PREX1: variants seen among roughly 807,000 people sequenced by gnomAD.
The protein encoded by PREX1 is phosphatidylinositol-3,4,5-trisphosphate dependent Rac exchange factor 1, also known as phosphatidylinositol 3,4,5-trisphosphate-dependent Rac exchanger 1 protein.
A neutral mutation model predicts 198.3 loss-of-function variants in PREX1; 41 were observed. That is an observed-to-expected ratio of 0.21 (90% CI 0.16 to 0.27). The LOEUF is 0.27. PREX1 is among the 10% of genes least tolerant of loss of function. The pLI is 1.00. For missense variants in PREX1, 1,620 were observed against 2,200.7 expected (o/e 0.74, Z 5.28); for synonymous variants, 843 against 887.2 (o/e 0.95, Z 0.89).
chr20:48,661,806 G>A (rs1203869119), intron 15 of PREX1, among the ~76,000 whole-genome samples: 1 of 151,974 alleles, frequency 6.6e-6, no homozygotes, highest in Non-Finnish European at 1.5e-5. Flanking sequence ...CCAGCAGGCA[G>A]CAGAAGGGCC....
At chr20:48,727,844 T>C (rs2090016716) in intron 4 of PREX1, among the ~76,000 whole-genome samples, 1 of 152,176 alleles carries the variant, frequency 6.6e-6, no homozygotes, top group African/African-American at 2.4e-5. Flanking sequence ...TCCACGTGGC[T>C]CTCAATCACA....
chr20:48,886,725 C>G, the PREX1 span, among the ~76,000 whole-genome samples: 4 of 152,208 alleles, frequency 2.6e-5, no homozygotes, highest in Non-Finnish European at 4.4e-5. Context: ...CTTTTACAAA[C>G]ATAAATTCAT....
intron 14 of PREX1, among the ~76,000 whole-genome samples, chr20:48,669,178 C>T (rs1387699854): frequency 1.3e-5 from 2 of 151,932 alleles, no homozygotes; most frequent in East Asian, 1.9e-4. Context: ...CCCAGGTGCC[C>T]TCTGCACACC....
chr20:48,656,916 G>T, intron 18 of PREX1, 124 bp downstream of exon 18: 1 of 1,268,478 alleles, frequency 7.9e-7, no homozygotes, highest in Non-Finnish European at 1.1e-6. Context: ...TCCAGCTTGT[G>T]TTGTGTGACT....
chr20:48,760,067 G>A (rs1355787187), intron 1 of PREX1, among the ~76,000 whole-genome samples: 6 of 151,672 alleles, frequency 4.0e-5, no homozygotes, highest in African/African-American at 9.7e-5. Flanking sequence ...AGCCAAGATC[G>A]CACCACTGCA....
In PREX1 at chr20:48,690,983, G is replaced by A; in HGVS notation, c.1150C>T (p.Leu384=). Residue 384 remains leucine (L), a synonymous_variant, in exon 9 of 40, where the codon CTG becomes TTG. Transcript: ENST00000371941. The part of the protein sequence containing the change: ...AKTAEEKQKW[L]DAIIREREQR... ...TCCCGCTCGCGGATGATGGCATCCAGCCACTTCTGCTTCTCCTCTGCCGTC... is the reference window on the plus strand; with the variant it reads ...TCCCGCTCGCGGATGATGGCATCCAACCACTTCTGCTTCTCCTCTGCCGTC... The A allele has an allele frequency of 1.2e-6, 2 of 1,614,216 alleles. No individual in the cohort carries two copies. Among genetic ancestry groups the A allele is most frequent in the East Asian group, 2.2e-5 (1 of 44,894 alleles).
chr20:48,775,130 G>A (rs1460689395), intron 1 of PREX1, among the ~76,000 whole-genome samples: 9 of 152,132 alleles, frequency 5.9e-5, no homozygotes, highest in East Asian at 1.9e-4. Flanking sequence ...TGGTTCTCTC[G>A]GCAAATGACG....
intron 32 of PREX1, among the ~76,000 whole-genome samples, 168 bp downstream of exon 32, chr20:48,636,295 G>A (rs956095324): frequency 2.0e-5 from 3 of 152,234 alleles, no homozygotes; most frequent in African/African-American, 7.2e-5. Flanking sequence ...GTTCACTGCT[G>A]GACCTTCAGT....
the PREX1 span, among the ~76,000 whole-genome samples, chr20:48,861,537 A>T: frequency 6.6e-6 from 1 of 152,180 alleles, no homozygotes; most frequent in Non-Finnish European, 1.5e-5. Flanking sequence ...CACAGGCACA[A>T]AACTTCCCTG....
the PREX1 span, among the ~76,000 whole-genome samples, chr20:48,850,983 A>G: frequency 1.3e-5 from 2 of 152,212 alleles, no homozygotes; most frequent in African/African-American, 4.8e-5. Flanking sequence ...GGGGGAATCA[A>G]AAGAAGACTA....
the PREX1 span, among the ~76,000 whole-genome samples, chr20:48,833,150 T>C: frequency 6.6e-6 from 1 of 152,202 alleles, no homozygotes; most frequent in African/African-American, 2.4e-5. Flanking sequence ...AAATATTTAA[T>C]AGATCCAAAG....
At chr20:48,755,856 G>T (rs969371863) in intron 1 of PREX1, among the ~76,000 whole-genome samples, 1 of 152,136 alleles carries the variant, frequency 6.6e-6, no homozygotes, top group African/African-American at 2.4e-5. Flanking sequence ...TCCCTTTCCA[G>T]ATTTCTACAA....
intron 6 of PREX1, 147 bp downstream of exon 6, chr20:48,708,113 A>C: frequency 1.1e-6 from 1 of 905,330 alleles, no homozygotes; most frequent in Non-Finnish European, 1.6e-6. Context: ...ATTTAATTGA[A>C]AAATAATTAA....
intron 36 of PREX1, among the ~76,000 whole-genome samples, chr20:48,630,065 G>T (rs903017773): frequency 6.6e-6 from 1 of 152,168 alleles, no homozygotes; most frequent in Admixed American, 6.5e-5. Context: ...GGGACATTCT[G>T]CCAGCCAGAG....
the PREX1 span, among the ~76,000 whole-genome samples, chr20:48,887,707 G>A: frequency 3.9e-5 from 6 of 152,246 alleles, no homozygotes; most frequent in African/African-American, 7.2e-5. Context: ...AGCACTTTGG[G>A]AGGCCGAGGT....
Position 48,679,484 on chromosome 20 carries a change from G to A in PREX1, c.1540-75C>T, listed in dbSNP as rs1601070433. The A allele has an allele frequency of 2.1e-5, 31 of 1,504,748 alleles. 1 individual carries two copies. The East Asian group carries it at 7.0e-4, about 34-fold the overall frequency. The allele number at this position is 1,504,748 out of a possible 1,614,324, so 93.2% of individuals were successfully genotyped here. On this transcript the variant is annotated intron_variant, in intron 12 of 39. Coordinates refer to ENST00000371941, the MANE Select transcript of PREX1 (RefSeq NM_020820.4). ...AGCCTCCAAATCCAGGCTGATGGGA[G>A]AGATGGCTTCCAGGACGGGGCAGGG...
chr20:48,690,039 G>C (rs2089809546), intron 9 of PREX1, among the ~76,000 whole-genome samples: 1 of 152,232 alleles, frequency 6.6e-6, no homozygotes, highest in Admixed American at 6.5e-5. Context: ...ACTCTGAGCT[G>C]TGGGGCGAAG....
At chr20:48,652,517 A>AGAG (rs1282523401) in intron 21 of PREX1, 69 bp downstream of exon 21, 1 of 1,513,314 alleles carries the variant, frequency 6.6e-7, no homozygotes, top group Non-Finnish European at 8.9e-7. Flanking sequence ...GGACAACAGG[A>AGAG]GAGGACCCAG....
At chr20:48,811,069 C>T (rs1029255229) in intron 1 of PREX1, among the ~76,000 whole-genome samples, 1 of 152,110 alleles carries the variant, frequency 6.6e-6, no homozygotes, top group Non-Finnish European at 1.5e-5. Context: ...CCAAACCAAA[C>T]GTTGCCTGCA....
Sources: allele counts gnomAD v4.1 joint callset (sites outside exome capture counted in the v4.1 genomes callset), GRCh38; gene constraint gnomAD v4.1.1; transcripts MANE v1.5; gene names NCBI Gene and HGNC (gene_info 2026-07-23, HGNC 2026-07-21).